Variants in BRAT1 observed in about 807,000 individuals in gnomAD.
BRAT1 encodes BRCA1 associated ATM activator 1.
Under a neutral mutation model 70.6 loss-of-function variants are expected in BRAT1, and 74 were observed. That is an observed-to-expected ratio of 1.05 (90% CI 0.87 to 1.27). The LOEUF (loss-of-function observed/expected upper bound fraction) is 1.27. Among genes scored for constraint, BRAT1 ranks in the 50% most tolerant of loss-of-function variants. The pLI, the probability that BRAT1 is intolerant of heterozygous loss-of-function variation, is 0.00. For synonymous variants in BRAT1, 615 were observed against 517.1 expected (o/e 1.19, Z -2.57); for missense variants, 1,203 against 1,098.2 (o/e 1.10, Z -1.35).
intron 2 of BRAT1, among the ~76,000 whole-genome samples, chr7:2,550,958 G>T (rs1299672520): frequency 6.6e-6 from 1 of 152,124 alleles, no homozygotes; most frequent in Non-Finnish European, 1.5e-5. Flanking sequence ...ATCATGCTTA[G>T]GTTGGGTGCA....
rs1370004200 is a variant in BRAT1, at chr7:2,537,981, C to T, written c.*88G>A. ...TCCCCAGAGGATCCACCGGGCTGGG[C>T]TGGAGCCCTGGGGCTGGCAGTGTCC... On this transcript the variant is annotated 3_prime_UTR_variant, in exon 14 of 14. Transcript: ENST00000340611. 1.4e-6 allele frequency: 2 copies of T among 1,436,722 alleles called. No homozygotes were observed. The highest frequency in any genetic ancestry group is 1.7e-5 in the South Asian group (1 of 60,568). The allele number at this position is 1,436,722 out of a possible 1,614,324, so 89.0% of individuals were successfully genotyped here. A position where few individuals can be genotyped will look rare whatever the true frequency, so the allele number is the denominator to read the frequency against.
At chr7:2,541,870 A>G in intron 7 of BRAT1, 34 bp from the exon 8 acceptor site, 1 of 1,604,228 alleles carries the variant, frequency 6.2e-7, no homozygotes, top group Non-Finnish European at 8.5e-7. Flanking sequence ...TCCCTTAGAG[A>G]GCACTTCAGC....
At chr7:2,553,095 C>T (rs1325003010) in intron 2 of BRAT1, among the ~76,000 whole-genome samples, 8 of 151,812 alleles carry the variant, frequency 5.3e-5, no homozygotes, top group Non-Finnish European at 8.8e-5. Context: ...TGCAGTGGCA[C>T]GATCTGGGCT....
Position 2,543,814 on chromosome 7 carries a change from C to T in BRAT1, c.579G>A (p.Ala193=), listed in dbSNP as rs755302526. The T allele has an allele frequency of 9.3e-6, 15 of 1,612,806 alleles. No homozygotes were observed. The highest frequency in any genetic ancestry group is 5.0e-5 in the Admixed American group (3 of 59,984). Reference sequence around the variant, plus strand: ...CGTGATCCATGATCTTCTGGGCACACGCGGGCCAGTCACCCCCCGGCAGGC... The same window carrying T: ...CGTGATCCATGATCTTCTGGGCACATGCGGGCCAGTCACCCCCCGGCAGGC... ...QPCLPGGDWP[A]CAQKIMDHVE... Residue 193 remains alanine (A), a synonymous_variant, in exon 5 of 14, where the codon GCG becomes GCA. Coordinates refer to ENST00000340611, the MANE Select transcript of BRAT1 (RefSeq NM_152743.4). The surrounding 1 kb of genome is among the most constrained non-coding windows in gnomAD (Gnocchi z 5.5).
intron 13 of BRAT1, 50 bp from the exon 14 acceptor site, chr7:2,538,814 G>A: frequency 6.3e-7 from 1 of 1,591,104 alleles, no homozygotes; most frequent in Non-Finnish European, 8.5e-7. Context: ...GCAGGAGCGA[G>A]GCTCCCGCAA....
intron 12 of BRAT1, 58 bp from the exon 13 acceptor site, chr7:2,539,409 G>A (rs1053567347): frequency 6.5e-6 from 10 of 1,548,758 alleles, no homozygotes; most frequent in Non-Finnish European, 8.7e-6. Context: ...TGTCGCCTCG[G>A]CCTCTGCCTC....
At position 2,541,839 on chromosome 7, in the gene BRAT1, G is replaced by A. The variant is rs1371190906; in HGVS notation, c.1016-3C>T. ...GTCTGCCGTCCCGTCCAGCAAGCCT[G>A]GGGGCCAAGCCAGGAAGAGCTCCCT... On this transcript the variant is annotated splice_region_variant and splice_polypyrimidine_tract_variant and intron_variant, in intron 7 of 13. Transcript: ENST00000340611. The A allele has an allele frequency of 6.2e-7, 1 of 1,612,572 alleles. No homozygotes were observed. Among genetic ancestry groups the A allele is most frequent in the South Asian group, 1.1e-5 (1 of 91,034 alleles).
intron 13 of BRAT1, 107 bp from the exon 14 acceptor site, chr7:2,538,871 G>C: frequency 6.6e-7 from 1 of 1,520,064 alleles, no homozygotes. Context: ...ATGCAGTCTA[G>C]GGCCACAGCC....
chr7:2,542,009 G>T, intron 7 of BRAT1, 111 bp downstream of exon 7: 1 of 1,219,760 alleles, frequency 8.2e-7, no homozygotes, highest in Non-Finnish European at 1.1e-6. Context: ...GGGAGGCCTG[G>T]GTGTGATTAA....
chr7:2,540,326 C>G (rs1314048533), intron 10 of BRAT1: 1 of 164,072 alleles, frequency 6.1e-6, no homozygotes, highest in Non-Finnish European at 1.3e-5. Context: ...CCTCGGCCCC[C>G]CAACGCACAG....
rs768207072 is a variant in BRAT1, at chr7:2,541,363, AG to A, written c.1255del (p.Leu419TrpfsTer28). ...TCGCTGGACCCGGACGCAGCCCGCC[AG>A]GGTCCCACAGAGGTGGCCCCCCACA... ...SSVGGHLCGT[L>X]AGCVRVQRAA... On this transcript the variant is annotated frameshift_variant, in exon 9 of 14. Coordinates refer to ENST00000340611, the MANE Select transcript of BRAT1 (RefSeq NM_152743.4). LOFTEE classifies it high-confidence loss of function. The A allele has an allele frequency of 1.9e-6, 3 of 1,607,596 alleles. No individual in the cohort carries two copies.
At chr7:2,541,167 C>A (rs939855607) in intron 9 of BRAT1, 115 bp from the exon 10 acceptor site, 3 of 624,392 alleles carry the variant, frequency 4.8e-6, no homozygotes, top group Admixed American at 6.5e-5. Flanking sequence ...TCCTGCACGG[C>A]CCCTGCACCC....
rs756528477 is a variant in BRAT1, at chr7:2,539,305, C to T, written c.1644G>A (p.Gln548=). 6.2e-7 allele frequency: 1 copy of T among 1,611,926 alleles called. No individual in the cohort carries two copies. Among genetic ancestry groups the T allele is most frequent in the Non-Finnish European group, 8.5e-7 (1 of 1,179,758 alleles). ...GGTCCTGGAGGAGCTGCAGGGCCAG[C>T]TGAGGCACCTCTGAAGCCAAGAGTG... ...RCALLASEVP[Q]LALQLLQDPE... is the part of the protein sequence containing the mutation. The change falls in exon 13 of 14, where the codon CAG becomes CAA. Residue 548 remains glutamine, a synonymous_variant. Transcript: ENST00000340611.
chr7:2,551,564 T>C (rs1170403141), intron 2 of BRAT1, among the ~76,000 whole-genome samples: 1 of 150,854 alleles, frequency 6.6e-6, no homozygotes, highest in Admixed American at 6.6e-5. Flanking sequence ...GTACACACCT[T>C]GATCCCAGGA....
intron 2 of BRAT1, among the ~76,000 whole-genome samples, chr7:2,548,320 A>G (rs1427899714): frequency 6.6e-6 from 1 of 152,092 alleles, no homozygotes; most frequent in Non-Finnish European, 1.5e-5. Flanking sequence ...GCCCCTGTGG[A>G]AAGAATGTGG....
Position 2,541,306 on chromosome 7 carries a change from T to C in BRAT1, c.1313A>G (p.Gln438Arg), listed in dbSNP as rs777754523. ...AALDFLGTLS[Q>R]GTGPQELVTQ... ...GTACAGAACACACTCACCTGTCCCC[T>C]GTGACAGCGTCCCCAGGAAGTCGAG... Residue 438 changes from glutamine (Q) to arginine (R), a missense_variant, in exon 9 of 14, where the codon CAG becomes CGG. Transcript: ENST00000340611. 1.9e-6 allele frequency: 3 copies of C among 1,590,940 alleles called. No individual in the cohort carries two copies. The highest frequency in any genetic ancestry group is 2.6e-6 in the Non-Finnish European group (3 of 1,172,496).
At chr7:2,542,381 G>T in intron 6 of BRAT1, 170 bp from the exon 7 acceptor site, 1 of 642,866 alleles carries the variant, frequency 1.6e-6, no homozygotes, top group Non-Finnish European at 2.8e-6. Flanking sequence ...AGAGTGGCGG[G>T]GAGGACAGGC....
chr7:2,552,134 T>TTTTTTA (rs1780086643), intron 2 of BRAT1, among the ~76,000 whole-genome samples: 1 of 103,842 alleles, frequency 9.6e-6, no homozygotes, highest in Non-Finnish European at 2.0e-5. Flanking sequence ...TTTTTTTTTT[T>TTTTTTA]GAGACAAGAG....
intron 13 of BRAT1, 38 bp from the exon 14 acceptor site, chr7:2,538,802 T>C (rs1414488891): frequency 7.5e-6 from 12 of 1,594,868 alleles, no homozygotes; most frequent in Non-Finnish European, 1.0e-5. Flanking sequence ...GTTGGTGGGG[T>C]GGCAGGAGCG....
Sources: allele counts gnomAD v4.1 joint callset (sites outside exome capture counted in the v4.1 genomes callset), GRCh38; gene constraint gnomAD v4.1.1; non-coding constraint Gnocchi (gnomAD v3.1); transcripts MANE v1.5; gene names NCBI Gene and HGNC (gene_info 2026-07-23, HGNC 2026-07-21).